Variants in METAP1D observed in about 807,000 individuals in gnomAD.
METAP1D encodes methionyl aminopeptidase type 1D, mitochondrial, also known as methionine aminopeptidase 1D, mitochondrial.
METAP1D carries 31 observed loss-of-function variants against 40.5 expected under a neutral mutation model. That is an observed-to-expected ratio of 0.77 (90% CI 0.58 to 1.03). The LOEUF is 1.03. Among genes scored for constraint, METAP1D ranks in the 50% least tolerant of loss-of-function variants. The pLI is 0.00. For missense variants in METAP1D, 411 were observed against 420.7 expected (o/e 0.98, Z 0.20); for synonymous variants, 151 against 146.4 (o/e 1.03, Z -0.22).
intron 7 of METAP1D, 21 bp downstream of exon 7, chr2:172,077,915 G>C (rs755244630): frequency 7.3e-7 from 1 of 1,377,712 alleles, no homozygotes; most frequent in African/African-American, 1.4e-5. Flanking sequence ...TCATTTGGAG[G>C]CTGTTTCTTG....
Position 172,042,333 on chromosome 2 carries a change from A to C in METAP1D, c.41-19165A>C, listed in dbSNP as rs1185534378. Among the ~76,000 whole-genome samples the C allele has an allele frequency of 3.7e-5, 2 of 54,678 alleles. 1 individual carries two copies. Among genetic ancestry groups the C allele is most frequent in the Non-Finnish European group, 7.1e-5 (2 of 28,174 alleles). 35.9% of individuals were successfully genotyped at this position (54,678 alleles called of 152,430 possible). ...TACATATATACATATGTATGTGTAC[A>C]TGTGTACATATATACATATATACAT... is the stretch of plus-strand genomic sequence containing the variant. On this transcript the variant is annotated intron_variant, in intron 1 of 9. Transcript: ENST00000315796.
intron 6 of METAP1D, among the ~76,000 whole-genome samples, chr2:172,076,461 C>T (rs896576696): frequency 1.1e-4 from 16 of 152,302 alleles, no homozygotes; most frequent in South Asian, 2.1e-4. Context: ...GAAATACTTG[C>T]CCACCAAAGA....
At chr2:172,005,539 TATATATC>T (rs1206283282) in intron 1 of METAP1D, among the ~76,000 whole-genome samples, 30 of 118,084 alleles carry the variant, frequency 2.5e-4, no homozygotes, top group Non-Finnish European at 4.7e-4. Flanking sequence ...TATATATATA[TATATATC>T]TTTTTTTTTT....
intron 1 of METAP1D, among the ~76,000 whole-genome samples, chr2:172,037,964 T>C (rs1689434700): frequency 6.6e-6 from 1 of 152,194 alleles, no homozygotes; most frequent in Non-Finnish European, 1.5e-5. Context: ...GTACAGCTAT[T>C]ACAGGAAGGG....
chr2:172,036,248 C>T (rs1037809126), intron 1 of METAP1D, among the ~76,000 whole-genome samples: 7 of 144,566 alleles, frequency 4.8e-5, no homozygotes, highest in African/African-American at 1.0e-4. Context: ...ACCCGGGAGG[C>T]GGAGCTTGCA....
intron 1 of METAP1D, among the ~76,000 whole-genome samples, chr2:172,016,421 C>T (rs1335048131): frequency 4.8e-5 from 7 of 145,978 alleles, no homozygotes; most frequent in African/African-American, 1.8e-4. Flanking sequence ...AGTTCGAGAC[C>T]AGCCTGGGCA....
chr2:172,011,191 T>G (rs1425808485), intron 1 of METAP1D, among the ~76,000 whole-genome samples: 3 of 152,130 alleles, frequency 2.0e-5, no homozygotes, highest in Non-Finnish European at 2.9e-5. Flanking sequence ...GTTTTACATT[T>G]TTATCACCCC....
At chr2:172,075,807 C>T (rs1690526611) in intron 6 of METAP1D, among the ~76,000 whole-genome samples, 1 of 152,172 alleles carries the variant, frequency 6.6e-6, no homozygotes, top group Non-Finnish European at 1.5e-5. Context: ...GAGAGTCAGG[C>T]ATTAAGATGT....
intron 5 of METAP1D, 183 bp from the exon 6 acceptor site, chr2:172,070,724 G>T (rs934855917): frequency 2.8e-6 from 1 of 352,774 alleles, no homozygotes; most frequent in Non-Finnish European, 4.9e-6. Context: ...TCATTGCATG[G>T]CTTCATCTTT....
chr2:172,038,789 A>T (rs1689451517), intron 1 of METAP1D, among the ~76,000 whole-genome samples: 1 of 152,218 alleles, frequency 6.6e-6, no homozygotes, highest in Non-Finnish European at 1.5e-5. Context: ...TCTCAATGTC[A>T]GTTTGCCATT....
intron 1 of METAP1D, among the ~76,000 whole-genome samples, chr2:172,041,245 G>A (rs563168253): frequency 6.6e-6 from 1 of 151,980 alleles, no homozygotes; most frequent in African/African-American, 2.4e-5. Context: ...TGGACCATGA[G>A]GTCAGGAGTT....
intron 1 of METAP1D, among the ~76,000 whole-genome samples, chr2:172,044,289 G>A (rs1246335761): frequency 7.6e-6 from 1 of 131,200 alleles, no homozygotes; most frequent in Non-Finnish European, 1.8e-5. Flanking sequence ...GGCTGGGCAC[G>A]GTGGCTCACA....
chr2:172,071,201 TG>T, intron 6 of METAP1D, 131 bp downstream of exon 6: 1 of 686,064 alleles, frequency 1.5e-6, no homozygotes, highest in Non-Finnish European at 2.1e-6. Context: ...GTATGTGAAC[TG>T]CCAGGCTGCA....
At chr2:172,080,241 A>G (rs769075399) in intron 9 of METAP1D, 35 bp downstream of exon 9, 4 of 1,613,808 alleles carry the variant, frequency 2.5e-6, no homozygotes, top group African/African-American at 1.3e-5. Flanking sequence ...TTTAAATTGT[A>G]TGGGAAAGGA....
intron 1 of METAP1D, among the ~76,000 whole-genome samples, chr2:172,004,805 T>G (rs899502490): frequency 2.0e-5 from 3 of 152,240 alleles, no homozygotes; most frequent in African/African-American, 7.2e-5. Context: ...TATTATAATA[T>G]GGCATGTTAC....
intron 1 of METAP1D, among the ~76,000 whole-genome samples, chr2:172,042,702 CGT>C (rs1175410777): frequency 0.15 from 1,365 of 9,274 alleles, 657 homozygotes; most frequent in South Asian, 0.43. Flanking sequence ...TACACATATA[CGT>C]GTGTGTGTGT....
chr2:172,054,006 T>C (rs764153646), intron 1 of METAP1D, among the ~76,000 whole-genome samples: 1 of 152,188 alleles, frequency 6.6e-6, no homozygotes, highest in Non-Finnish European at 1.5e-5. Flanking sequence ...CCCTTAAAAA[T>C]ACTTATTGAC....
chr2:172,041,726 T>TTTATATATA lies in METAP1D; in HGVS notation c.41-19771_41-19770insTATATATAT, dbSNP rs1273069042. On this transcript the variant is annotated intron_variant, in intron 1 of 9. Coordinates refer to ENST00000315796, the MANE Select transcript of METAP1D (RefSeq NM_199227.3). ...TTTTAATTTCCTTACTCTAATTATT[T>TTTATATATA]TATATATATATATATATATATATAT... Among the ~76,000 whole-genome samples, 220 of 37,566 alleles carry TTTATATATA rather than the reference T, an allele frequency of 5.9e-3. 27 individuals carry two copies. Among genetic ancestry groups the TTTATATATA allele is most frequent in the Non-Finnish European group, 0.011 (173 of 15,592 alleles). 24.6% of individuals were successfully genotyped at this position (37,566 alleles called of 152,430 possible).
chr2:172,073,816 G>A (rs556159083), intron 6 of METAP1D, among the ~76,000 whole-genome samples: 5 of 152,120 alleles, frequency 3.3e-5, no homozygotes, highest in South Asian at 2.1e-4. Context: ...CTTTCAACTC[G>A]GTCTTGTTTA....
Sources: allele counts gnomAD v4.1 joint callset (sites outside exome capture counted in the v4.1 genomes callset), GRCh38; gene constraint gnomAD v4.1.1; transcripts MANE v1.5; gene names NCBI Gene and HGNC (gene_info 2026-07-23, HGNC 2026-07-21).